SDHAF3: variants seen among roughly 807,000 people sequenced by gnomAD.
SDHAF3 encodes succinate dehydrogenase assembly factor 3, mitochondrial.
In SDHAF3, 18 loss-of-function variants were observed where a neutral mutation model predicts 11.5. The ratio of observed to expected loss-of-function variants is 1.56; its 90% confidence interval spans 1.08 to 2.32. The LOEUF is 2.32. SDHAF3 is among the 30% of genes most tolerant of loss of function. The pLI, the probability that SDHAF3 is intolerant of heterozygous loss-of-function variation, is 0.00. For synonymous variants in SDHAF3, 72 were observed against 59.3 expected, an observed-to-expected ratio of 1.21 and a Z score of -0.99; for missense variants, 200 against 154.4, an observed-to-expected ratio of 1.30 and a Z score of -1.57.
chr7:97,162,435 G>A (rs1321532082), intron 1 of SDHAF3, among the ~76,000 whole-genome samples: 3 of 151,910 alleles, frequency 2.0e-5, no homozygotes, highest in Non-Finnish European at 4.4e-5. Context: ...TTTTGAATTT[G>A]TTTCCTCTTG....
chr7:97,132,533 T>C (rs962019133), intron 1 of SDHAF3, among the ~76,000 whole-genome samples: 3 of 152,242 alleles, frequency 2.0e-5, no homozygotes, highest in East Asian at 1.9e-4. Flanking sequence ...AATAATCTTA[T>C]GTTTAATTTC....
intron 1 of SDHAF3, among the ~76,000 whole-genome samples, chr7:97,154,393 A>G (rs1400524361): frequency 1.3e-5 from 2 of 152,186 alleles, no homozygotes; most frequent in African/African-American, 4.8e-5. Flanking sequence ...ATGACTAGTG[A>G]TGATGAACAT....
At chr7:97,175,660 A>G (rs966203478) in intron 1 of SDHAF3, among the ~76,000 whole-genome samples, 3 of 152,230 alleles carry the variant, frequency 2.0e-5, no homozygotes, top group Non-Finnish European at 2.9e-5. Flanking sequence ...AGAGAATTAG[A>G]GAGTACAGTG....
intron 1 of SDHAF3, among the ~76,000 whole-genome samples, chr7:97,151,563 A>G (rs574718115): frequency 6.6e-6 from 1 of 151,316 alleles, no homozygotes; most frequent in African/African-American, 2.4e-5. Context: ...CAGTGGCACA[A>G]TCTCCGCTCA....
chr7:97,175,825 C>T (rs1407733057), intron 1 of SDHAF3, among the ~76,000 whole-genome samples: 1 of 152,066 alleles, frequency 6.6e-6, no homozygotes, highest in Non-Finnish European at 1.5e-5. Flanking sequence ...TTCTGTAGTT[C>T]ACTGCTGTAT....
intron 1 of SDHAF3, among the ~76,000 whole-genome samples, chr7:97,159,650 T>C (rs1376748118): frequency 6.6e-6 from 1 of 152,168 alleles, no homozygotes; most frequent in Admixed American, 6.5e-5. Flanking sequence ...TTCAGTTCCC[T>C]CTGGTACTGA....
chr7:97,135,668 G>GTGTATATATATA (rs1491487810), intron 1 of SDHAF3: 1 of 63,934 alleles, frequency 1.6e-5, no homozygotes, highest in African/African-American at 7.1e-5. Context: ...GTGTGTGTGT[G>GTGTATATATATA]TATATATATA....
Position 97,141,676 on chromosome 7 carries a change from A to G in SDHAF3, c.174+23779A>G, listed in dbSNP as rs1385028806. ...ACCTGGCAATTTTTTTGTATTTTTA[A>G]GTAGAGATGGGGTTTCACTGTGTTA... is the stretch of plus-strand genomic sequence containing the variant. On this transcript the variant is annotated intron_variant, in intron 1 of 1. Coordinates refer to ENST00000432641, the MANE Select transcript of SDHAF3 (RefSeq NM_020186.3). Among the ~76,000 whole-genome samples, 4 of 152,070 alleles carry G rather than the reference A, an allele frequency of 2.6e-5. 1 individual carries two copies. Among genetic ancestry groups the G allele is most frequent in the Non-Finnish European group, 5.9e-5 (4 of 68,010 alleles).
chr7:97,167,279 C>T (rs944733837), intron 1 of SDHAF3, among the ~76,000 whole-genome samples: 13 of 152,132 alleles, frequency 8.5e-5, no homozygotes, highest in African/African-American at 3.1e-4. Context: ...CACTTCCCCC[C>T]TTGGCTCTCT....
At chr7:97,158,656 A>T (rs1789347087) in intron 1 of SDHAF3, among the ~76,000 whole-genome samples, 1 of 152,198 alleles carries the variant, frequency 6.6e-6, no homozygotes, top group African/African-American at 2.4e-5. Flanking sequence ...ATTCTTTGAA[A>T]TGGAAAGATG....
At chr7:97,168,253 C>CTTAAG (rs1261665410) in intron 1 of SDHAF3, among the ~76,000 whole-genome samples, 2 of 152,162 alleles carry the variant, frequency 1.3e-5, no homozygotes, top group African/African-American at 2.4e-5. Flanking sequence ...CTGCATCAAT[C>CTTAAG]TTAAGTTTCA....
Position 97,117,749 on chromosome 7 carries a change from T to TC in SDHAF3, c.28dup (p.Arg10ProfsTer31), listed in dbSNP as rs777771707. On this transcript the variant is annotated frameshift_variant, in exon 1 of 2. Coordinates refer to ENST00000432641, the MANE Select transcript of SDHAF3 (RefSeq NM_020186.3). LOFTEE classifies it high-confidence loss of function. ...ATGCCGGGGCGGCACGTTTCTCGAG[T>TC]CCGGGCATTGTACAAGCGCGTCTTG... The TC allele has an allele frequency of 6.2e-7, 1 of 1,613,666 alleles. No individual in the cohort carries two copies. The highest frequency in any genetic ancestry group is 8.5e-7 in the Non-Finnish European group (1 of 1,179,782).
chr7:97,174,205 C>G (rs1036207992), intron 1 of SDHAF3, among the ~76,000 whole-genome samples: 1 of 152,202 alleles, frequency 6.6e-6, no homozygotes, highest in Non-Finnish European at 1.5e-5. Flanking sequence ...AGGCATGAGC[C>G]ACTGTGAGCA....
intron 1 of SDHAF3, among the ~76,000 whole-genome samples, chr7:97,129,999 G>A (rs933073847): frequency 3.3e-5 from 5 of 152,186 alleles, no homozygotes; most frequent in Non-Finnish European, 7.3e-5. Flanking sequence ...CTTCCACCTT[G>A]GGTGCCAGCA....
intron 1 of SDHAF3, among the ~76,000 whole-genome samples, chr7:97,177,310 A>G (rs563540511): frequency 6.6e-6 from 1 of 151,896 alleles, no homozygotes; most frequent in Admixed American, 6.6e-5. Context: ...AGACCATCCT[A>G]GCTAACGCAG....
intron 1 of SDHAF3, chr7:97,135,668 G>GTGTATATATATATATA (rs1491487810): frequency 7.8e-5 from 5 of 63,932 alleles, no homozygotes; most frequent in African/African-American, 3.6e-4. Flanking sequence ...GTGTGTGTGT[G>GTGTATATATATATATA]TATATATATA....
intron 1 of SDHAF3, among the ~76,000 whole-genome samples, chr7:97,134,161 C>CA (rs1294232174): frequency 6.6e-6 from 1 of 152,228 alleles, no homozygotes; most frequent in East Asian, 1.9e-4. Context: ...AAAACAGCTA[C>CA]AGCAGCTACC....
chr7:97,171,017 T>C (rs1294490189), intron 1 of SDHAF3, among the ~76,000 whole-genome samples: 1 of 152,168 alleles, frequency 6.6e-6, no homozygotes, highest in Non-Finnish European at 1.5e-5. Flanking sequence ...TTTCTTTTTC[T>C]ATAATATATT....
At chr7:97,142,291 G>A (rs1317082864) in intron 1 of SDHAF3, among the ~76,000 whole-genome samples, 2 of 151,930 alleles carry the variant, frequency 1.3e-5, no homozygotes, top group Non-Finnish European at 2.9e-5. Context: ...CTGACCTCGT[G>A]ATCTGCCCAC....
Sources: allele counts gnomAD v4.1 joint callset (sites outside exome capture counted in the v4.1 genomes callset), GRCh38; gene constraint gnomAD v4.1.1; transcripts MANE v1.5; gene names NCBI Gene and HGNC (gene_info 2026-07-23, HGNC 2026-07-21).